MAGI2: variants seen among roughly 807,000 people sequenced by gnomAD.
The protein encoded by MAGI2 is membrane-associated guanylate kinase, WW and PDZ domain-containing protein 2.
In MAGI2, 35 loss-of-function variants were observed where a neutral mutation model predicts 133.3. The observed-to-expected ratio is 0.26, with a 90% CI of 0.20 to 0.35. The LOEUF (loss-of-function observed/expected upper bound fraction) is 0.35, where lower values mean the gene tolerates loss of function less well. Ranked by LOEUF, MAGI2 falls within the 10% of genes least tolerant of loss-of-function variation. The probability of loss-of-function intolerance (pLI) is 1.00; values close to 1 mark genes in which losing one functional copy is unlikely to be tolerated. For missense variants in MAGI2, 1,636 were observed against 1,863.4 expected (o/e 0.88, Z 2.25); for synonymous variants, 729 against 710.6 (o/e 1.03, Z -0.41).
chr7:78,980,652 A>G (rs376522072), intron 2 of MAGI2, among the ~76,000 whole-genome samples: 4 of 151,898 alleles, frequency 2.6e-5, no homozygotes, highest in Non-Finnish European at 2.9e-5. Context: ...CTGTTGTTTT[A>G]CAGTTAGTTC....
intron 1 of MAGI2, among the ~76,000 whole-genome samples, chr7:79,331,478 A>T (rs1443272615): frequency 6.6e-6 from 1 of 152,194 alleles, no homozygotes; most frequent in Non-Finnish European, 1.5e-5. Flanking sequence ...TGGGAACTAT[A>T]GGTATTAACT....
intron 2 of MAGI2, among the ~76,000 whole-genome samples, chr7:78,870,081 T>C (rs953042664): frequency 6.6e-6 from 1 of 152,042 alleles, no homozygotes; most frequent in Non-Finnish European, 1.5e-5. Flanking sequence ...GTGGGGTCTT[T>C]TTAGCTATAA....
At chr7:79,297,962 T>G (rs551215986) in intron 1 of MAGI2, among the ~76,000 whole-genome samples, 1 of 152,344 alleles carries the variant, frequency 6.6e-6, no homozygotes, top group East Asian at 1.9e-4. Context: ...TTTCTCTCTG[T>G]TAGAAAAGCT....
intron 3 of MAGI2, among the ~76,000 whole-genome samples, chr7:78,573,282 ATT>A (rs1491220741): frequency 0.015 from 729 of 47,106 alleles, 72 homozygotes; most frequent in African/African-American, 0.086. Flanking sequence ...AAATATATAT[ATT>A]TATATAAATA....
chr7:78,191,777 C>T (rs1828237036), intron 12 of MAGI2, among the ~76,000 whole-genome samples: 2 of 152,080 alleles, frequency 1.3e-5, no homozygotes, highest in South Asian at 2.1e-4. Flanking sequence ...TTCACGTGGC[C>T]GTAGTATCCT....
At chr7:79,290,791 G>A (rs1349592936) in intron 1 of MAGI2, among the ~76,000 whole-genome samples, 4 of 151,942 alleles carry the variant, frequency 2.6e-5, no homozygotes, top group African/African-American at 9.7e-5. Context: ...CAAATCCAGA[G>A]GAATCTTCTG....
chr7:79,158,367 A>G (rs1204528526), intron 1 of MAGI2, among the ~76,000 whole-genome samples: 2 of 152,148 alleles, frequency 1.3e-5, no homozygotes, highest in Non-Finnish European at 2.9e-5. Flanking sequence ...ATACTTTAAA[A>G]AAAGACTAGT....
intron 1 of MAGI2, among the ~76,000 whole-genome samples, chr7:79,022,180 A>G (rs536227509): frequency 6.6e-6 from 1 of 152,330 alleles, no homozygotes; most frequent in South Asian, 2.1e-4. Flanking sequence ...ATGGACTAAT[A>G]CAGACCAAAA....
At chr7:79,429,303 CTTTTT>C (rs939016945) in intron 1 of MAGI2, among the ~76,000 whole-genome samples, 1 of 147,956 alleles carries the variant, frequency 6.8e-6, no homozygotes, top group African/African-American at 2.5e-5. Context: ...TTAATTTCTA[CTTTTT>C]TTTTTGTTTT....
chr7:78,240,687 T>A (rs1334758624), intron 10 of MAGI2, among the ~76,000 whole-genome samples: 2 of 152,070 alleles, frequency 1.3e-5, no homozygotes, highest in Non-Finnish European at 2.9e-5. Context: ...GATAAAACCA[T>A]CACAGGAAGA....
At chr7:78,870,798 A>T (rs971031726) in intron 2 of MAGI2, among the ~76,000 whole-genome samples, 6 of 152,208 alleles carry the variant, frequency 3.9e-5, no homozygotes, top group African/African-American at 1.4e-4. Context: ...GAGCCAGCCT[A>T]AATGCCCATC....
chr7:78,846,687 C>T (rs1461024348), intron 2 of MAGI2, among the ~76,000 whole-genome samples: 1 of 151,876 alleles, frequency 6.6e-6, no homozygotes, highest in Non-Finnish European at 1.5e-5. Flanking sequence ...GTGGAACTGA[C>T]GATAACTCTG....
At chr7:78,823,322 G>C (rs921728161) in intron 2 of MAGI2, among the ~76,000 whole-genome samples, 3 of 151,990 alleles carry the variant, frequency 2.0e-5, no homozygotes, top group Non-Finnish European at 4.4e-5. Flanking sequence ...GGTGGCTCAC[G>C]CCTGTAATCC....
intron 1 of MAGI2, among the ~76,000 whole-genome samples, chr7:79,196,878 C>A (rs2129551599): frequency 6.6e-6 from 1 of 151,938 alleles, no homozygotes; most frequent in African/African-American, 2.4e-5. Context: ...AACAATCCTC[C>A]CACCCCAGCC....
chr7:79,144,982 T>C (rs981141810), intron 1 of MAGI2, among the ~76,000 whole-genome samples: 11 of 152,198 alleles, frequency 7.2e-5, no homozygotes, highest in African/African-American at 2.4e-4. Context: ...TGTTTCATTT[T>C]TGGTTTCTAT....
chr7:78,640,281 C>T (rs78539641), intron 2 of MAGI2, among the ~76,000 whole-genome samples: 1 of 151,616 alleles, frequency 6.6e-6, no homozygotes, highest in Non-Finnish European at 1.5e-5. Context: ...TAAAACTATC[C>T]TGTAATAAAA....
chr7:78,444,046 G>GA (rs1159889933), intron 6 of MAGI2, among the ~76,000 whole-genome samples: 1 of 142,150 alleles, frequency 7.0e-6, no homozygotes, highest in South Asian at 2.4e-4. Flanking sequence ...TTTGTGGGAT[G>GA]AAAAAAAATG....
intron 2 of MAGI2, among the ~76,000 whole-genome samples, chr7:78,687,376 A>G (rs1238169683): frequency 6.6e-6 from 1 of 152,224 alleles, no homozygotes; most frequent in African/African-American, 2.4e-5. Context: ...ATTTTAAAAT[A>G]CATGTGTGAA....
At chr7:79,081,041 C>T (rs1815991989) in intron 1 of MAGI2, among the ~76,000 whole-genome samples, 1 of 152,056 alleles carries the variant, frequency 6.6e-6, no homozygotes, top group Admixed American at 6.6e-5. Context: ...AATCAAGGTC[C>T]TAAACCCGGC....
Sources: allele counts gnomAD v4.1 joint callset (sites outside exome capture counted in the v4.1 genomes callset), GRCh38; gene constraint gnomAD v4.1.1; transcripts MANE v1.5; gene names NCBI Gene and HGNC (gene_info 2026-07-23, HGNC 2026-07-21).